KDSR: variants seen among roughly 807,000 people sequenced by gnomAD.
The protein encoded by KDSR is 3-dehydrosphinganine reductase.
In KDSR, 23 loss-of-function variants were observed where a neutral mutation model predicts 41.3. That is an observed-to-expected ratio of 0.56 (90% confidence interval 0.40 to 0.79). The LOEUF (loss-of-function observed/expected upper bound fraction) is 0.79, where lower values mean the gene tolerates loss of function less well. KDSR is among the 30% of genes least tolerant of loss of function. The pLI, the probability that KDSR is intolerant of heterozygous loss-of-function variation, is 0.00. For synonymous variants in KDSR, 138 were observed against 151.7 expected (o/e 0.91, Z 0.66); for missense variants, 351 against 416.8 (o/e 0.84, Z 1.37).
At chr18:63,350,217 C>A (rs145113457) in intron 6 of KDSR, among the ~76,000 whole-genome samples, 1 of 152,158 alleles carries the variant, frequency 6.6e-6, no homozygotes, top group East Asian at 1.9e-4. Flanking sequence ...ATGTGGAAGT[C>A]GGCTTCAAGC....
intron 6 of KDSR, among the ~76,000 whole-genome samples, chr18:63,348,800 T>A (rs1914586869): frequency 6.6e-6 from 1 of 152,200 alleles, no homozygotes; most frequent in South Asian, 2.1e-4. Context: ...GACACAGCTC[T>A]GCAAAAAGCC....
rs947253190 is a variant in KDSR, at chr18:63,328,971, C to T, written c.*2811G>A. The T allele has an allele frequency of 3.6e-5, 7 of 195,434 alleles. No homozygotes were observed. The highest frequency in any genetic ancestry group is 9.3e-5 in the African/African-American group (4 of 43,196). The allele number at this position is 195,434 out of a possible 1,614,324, so 12.1% of individuals were successfully genotyped here. ...CGTTTACTACCATAGGTAATATTTA[C>T]GCACTTCTGGGTCCAATAGAAGGTG... On this transcript the variant is annotated 3_prime_UTR_variant, in exon 10 of 10. Coordinates refer to ENST00000645214, the MANE Select transcript of KDSR (RefSeq NM_002035.4).
At chr18:63,360,001 A>G (rs1914917606) in intron 2 of KDSR, among the ~76,000 whole-genome samples, 2 of 152,254 alleles carry the variant, frequency 1.3e-5, no homozygotes, top group Admixed American at 6.5e-5. Context: ...ATAAGTGATA[A>G]AAGTTTGAAA....
Position 63,335,332 on chromosome 18 carries a change from G to C in KDSR, c.804C>G (p.Gly268=). 6.2e-7 allele frequency: 1 copy of C among 1,613,796 alleles called. No homozygotes were observed. Among genetic ancestry groups the C allele is most frequent in the South Asian group, 1.1e-5 (1 of 91,064 alleles). ...AIQGNFNSSL[G]SDGYMLSALT... is the part of the protein sequence containing the mutation. ...GGGCCGAGAGCATGTACCCATCTGA[G>C]CCAAGGGAACTGTTGAAATTTCCTT... Residue 268 remains glycine (G), a synonymous_variant, in exon 9 of 10, where the codon GGC becomes GGG. Coordinates refer to ENST00000645214, the MANE Select transcript of KDSR (RefSeq NM_002035.4).
Position 63,362,904 on chromosome 18 carries a change from A to T in KDSR, c.109-36T>A, listed in dbSNP as rs1188097861. 3 of 1,413,408 alleles carry T rather than the reference A, an allele frequency of 2.1e-6. No individual in the cohort carries two copies. The African/African-American group carries it at 4.3e-5, about 20-fold the overall frequency. 87.6% of individuals were successfully genotyped at this position (1,413,408 alleles called of 1,614,324 possible). A position where few individuals can be genotyped will look rare whatever the true frequency, so the allele number is the denominator to read the frequency against. On this transcript the variant is annotated intron_variant, in intron 1 of 9. Coordinates refer to ENST00000645214, the MANE Select transcript of KDSR (RefSeq NM_002035.4). ...ATCATAAAATATTCTTAGCACTTGA[A>T]ATCTCCCCTCTGTAGGAAGTTTTTA...
chr18:63,361,942 T>C (rs768172863), intron 2 of KDSR, among the ~76,000 whole-genome samples: 2 of 152,190 alleles, frequency 1.3e-5, no homozygotes, highest in Non-Finnish European at 2.9e-5. Flanking sequence ...CCTCCACCCA[T>C]TTGAGGAGTT....
chr18:63,359,685 T>C (rs182440034), intron 3 of KDSR, 51 bp downstream of exon 3: 4 of 1,175,516 alleles, frequency 3.4e-6, no homozygotes, highest in Admixed American at 3.4e-5. Context: ...TTTTCCTTTA[T>C]ACAGCTGTGC....
At chr18:63,353,593 C>T (rs1441199838) in intron 5 of KDSR, among the ~76,000 whole-genome samples, 1 of 151,944 alleles carries the variant, frequency 6.6e-6, no homozygotes, top group African/African-American at 2.4e-5. Context: ...AAATGGCCAT[C>T]GATGATGAAT....
chr18:63,335,671 C>G lies in KDSR; in HGVS notation c.778-313G>C, dbSNP rs75064813. On this transcript the variant is annotated intron_variant, in intron 8 of 9. Transcript: ENST00000645214. ...CTCTGCAAAACTGCAGAGACATGGG[C>G]AAGAACCACGGGGTTCTTGCCAAAC... 1,547 of 206,262 alleles carry G rather than the reference C, an allele frequency of 7.5e-3. 12 individuals carry two copies. Among genetic ancestry groups the G allele is most frequent in the Non-Finnish European group, 9.0e-3 (919 of 102,664 alleles). 12.8% of individuals were successfully genotyped at this position (206,262 alleles called of 1,614,324 possible).
chr18:63,361,637 A>G (rs1286238859), intron 2 of KDSR, among the ~76,000 whole-genome samples: 1 of 152,082 alleles, frequency 6.6e-6, no homozygotes, highest in African/African-American at 2.4e-5. Flanking sequence ...CAACATGGTG[A>G]AACCCTGTCT....
At chr18:63,340,876 G>A (rs911605172) in intron 7 of KDSR, among the ~76,000 whole-genome samples, 17 of 152,178 alleles carry the variant, frequency 1.1e-4, no homozygotes, top group African/African-American at 3.9e-4. Context: ...GCACGTAGGT[G>A]GTGAGCTCCC....
intron 3 of KDSR, 80 bp from the exon 4 acceptor site, chr18:63,355,643 G>C (rs1914774848): frequency 2.1e-6 from 3 of 1,440,514 alleles, no homozygotes; most frequent in Non-Finnish European, 2.7e-6. Context: ...AGAAAAGACA[G>C]TTCATTGAAT....
At chr18:63,364,829 CTTAT>C (rs960277991) in intron 1 of KDSR, among the ~76,000 whole-genome samples, 4 of 152,162 alleles carry the variant, frequency 2.6e-5, no homozygotes, top group Non-Finnish European at 5.9e-5. Flanking sequence ...ATTGTAATGT[CTTAT>C]TTGTCAAAAA....
chr18:63,364,145 C>T (rs192700836), intron 1 of KDSR, among the ~76,000 whole-genome samples: 6 of 152,296 alleles, frequency 3.9e-5, no homozygotes, highest in East Asian at 3.9e-4. Context: ...GACACCTACT[C>T]GCCCATCAAA....
At chr18:63,348,630 G>A (rs1327339626) in intron 6 of KDSR, among the ~76,000 whole-genome samples, 4 of 152,046 alleles carry the variant, frequency 2.6e-5, no homozygotes, top group Middle Eastern at 3.2e-3. Context: ...CGTGCAGGCC[G>A]GCTACTCGCA....
chr18:63,359,744 C>A lies in KDSR; in HGVS notation c.247G>T (p.Asp83Tyr). 1 of 1,602,096 alleles carries A rather than the reference C, an allele frequency of 6.2e-7. No individual in the cohort carries two copies. The highest frequency in any genetic ancestry group is 8.5e-7 in the Non-Finnish European group (1 of 1,170,336). ...TGAAGACAGAGATTTACCTGTTTGT[C>A]ATTAATAGAGTGCATTTCAATTTCT... ...KKEIEMHSIN[D>Y]KQVVLCISVD... is the part of the protein sequence containing the mutation. The change falls in exon 3 of 10, where the codon GAC becomes TAC. Residue 83 changes from aspartate (D) to tyrosine (Y), a missense_variant. Transcript: ENST00000645214.
intron 3 of KDSR, among the ~76,000 whole-genome samples, chr18:63,357,593 TA>T (rs67820343): frequency 2.8e-4 from 14 of 50,738 alleles, no homozygotes; most frequent in Non-Finnish European, 3.9e-4. Flanking sequence ...TATATATATA[TA>T]TTTTTTTTTG....
Position 63,337,113 on chromosome 18 carries a change from A to AATATATATAT in KDSR, c.777+1677_777+1686dup, listed in dbSNP as rs139383635. ...GTGACTTTATATATATATATATGTG[A>AATATATATAT]ATATATATATATATATATATATATG... On this transcript the variant is annotated intron_variant, in intron 8 of 9. Transcript: ENST00000645214. 6.2e-4 allele frequency among the ~76,000 whole-genome samples: 79 copies of AATATATATAT among 127,766 alleles called. 1 individual carries two copies. Among genetic ancestry groups the AATATATATAT allele is most frequent in the African/African-American group, 2.3e-3 (72 of 31,414 alleles). 83.8% of individuals were successfully genotyped at this position (127,766 alleles called of 152,430 possible). A position where few individuals can be genotyped will look rare whatever the true frequency, so the allele number is the denominator to read the frequency against.
At chr18:63,339,989 C>T (rs1914297809) in intron 7 of KDSR, among the ~76,000 whole-genome samples, 1 of 152,182 alleles carries the variant, frequency 6.6e-6, no homozygotes, top group African/African-American at 2.4e-5. Flanking sequence ...AAGAGAAAGG[C>T]TGTTTTGAAG....
Sources: allele counts gnomAD v4.1 joint callset (sites outside exome capture counted in the v4.1 genomes callset), GRCh38; gene constraint gnomAD v4.1.1; transcripts MANE v1.5; gene names NCBI Gene and HGNC (gene_info 2026-07-23, HGNC 2026-07-21).